The following TENM1 variants were observed in gnomAD, a reference collection of about 807,000 sequenced individuals.
The protein encoded by TENM1 is teneurin transmembrane protein 1, also known as teneurin-1.
TENM1 carries 35 observed loss-of-function variants against 174.8 expected under a neutral mutation model. That is an observed-to-expected ratio of 0.20 (90% CI 0.15 to 0.27). The LOEUF is 0.27. TENM1 is among the 10% of genes least tolerant of loss of function. The probability of loss-of-function intolerance (pLI) is 1.00; values close to 1 mark genes in which losing one functional copy is unlikely to be tolerated. For missense variants in TENM1, 1,633 were observed against 2,130.1 expected (o/e 0.77, Z 4.59); for synonymous variants, 781 against 798.7 (o/e 0.98, Z 0.37).
At chrX:124,908,731 T>C (rs2057788970) in intron 1 of TENM1, among the ~76,000 whole-genome samples, 1 of 111,818 alleles carries the variant, frequency 8.9e-6, no homozygotes, top group Non-Finnish European at 1.9e-5. Flanking sequence ...TTTTTTAATA[T>C]GTAAAACTGC....
chrX:125,055,492 G>GAAA, the TENM1 span, among the ~76,000 whole-genome samples: 11 of 111,798 alleles, frequency 9.8e-5, no homozygotes, highest in Admixed American at 8.6e-4. Context: ...CTGAAGGGCA[G>GAAA]ATGTCATCTA....
intron 3 of TENM1, among the ~76,000 whole-genome samples, chrX:124,757,267 G>C (rs1299302470): frequency 8.9e-6 from 1 of 112,413 alleles, no homozygotes; most frequent in Non-Finnish European, 1.9e-5. Context: ...AGCAATCAGC[G>C]AGACTCCGTG....
chrX:124,617,017 A>G (rs774383676), intron 11 of TENM1, among the ~76,000 whole-genome samples: 1 of 112,137 alleles, frequency 8.9e-6, no homozygotes, highest in Non-Finnish European at 1.9e-5. Flanking sequence ...TGAAGAATCC[A>G]CTGAGATTCC....
intron 22 of TENM1, among the ~76,000 whole-genome samples, chrX:124,459,034 G>A (rs901598352): frequency 8.9e-6 from 1 of 112,020 alleles, no homozygotes; most frequent in Non-Finnish European, 1.9e-5. Context: ...AACTGGTAGA[G>A]GGAGACAGAG....
intron 3 of TENM1, among the ~76,000 whole-genome samples, chrX:124,882,406 T>G (rs1441316581): frequency 1.8e-5 from 2 of 111,808 alleles, no homozygotes; most frequent in East Asian, 5.6e-4. Flanking sequence ...CCCATGTTTC[T>G]TTGTTAATTT....
intron 4 of TENM1, among the ~76,000 whole-genome samples, chrX:124,705,892 C>CTGTT (rs60240978): frequency 1.9e-3 from 214 of 110,601 alleles, no homozygotes; most frequent in African/African-American, 6.5e-3. Flanking sequence ...GTTTCTGTTT[C>CTGTT]TGTTTGTTTG....
the TENM1 span, among the ~76,000 whole-genome samples, chrX:125,032,836 G>C: frequency 9.0e-6 from 1 of 111,633 alleles, no homozygotes; most frequent in African/African-American, 3.3e-5. Context: ...CTAGTATTCT[G>C]TCCCAAGGAT....
intron 3 of TENM1, among the ~76,000 whole-genome samples, chrX:124,744,681 A>G (rs1231530841): frequency 8.9e-6 from 1 of 112,218 alleles, no homozygotes; most frequent in Non-Finnish European, 1.9e-5. Context: ...TTATGTAGGT[A>G]TTTCAATTAT....
At chrX:124,510,988 A>G (rs930408372) in intron 18 of TENM1, among the ~76,000 whole-genome samples, 1 of 112,308 alleles carries the variant, frequency 8.9e-6, no homozygotes, top group African/African-American at 3.2e-5. Flanking sequence ...TGGGCACAAG[A>G]CCACTTGCTT....
intron 3 of TENM1, among the ~76,000 whole-genome samples, chrX:124,848,917 T>A (rs150950574): frequency 0.021 from 2,336 of 111,205 alleles, 66 homozygotes; most frequent in African/African-American, 0.072. Flanking sequence ...GGGGAAGGGG[T>A]AAAGGTAAGG....
chrX:124,476,010 C>T (rs1007081592), intron 22 of TENM1, among the ~76,000 whole-genome samples: 5 of 111,581 alleles, frequency 4.5e-5, no homozygotes, highest in African/African-American at 1.6e-4. Flanking sequence ...ATGGCTTACC[C>T]GTAATTTTGT....
upstream of TENM1, among the ~76,000 whole-genome samples, chrX:124,964,015 G>A (rs979133474): frequency 2.7e-5 from 3 of 112,029 alleles, no homozygotes; most frequent in Non-Finnish European, 5.6e-5. Flanking sequence ...TAAGGATTAA[G>A]CTGGAGGTTG....
At chrX:125,007,326 G>GA in the TENM1 span, among the ~76,000 whole-genome samples, 1 of 102,410 alleles carries the variant, frequency 9.8e-6, no homozygotes, top group Non-Finnish European at 2.0e-5. Flanking sequence ...CAACATTAGA[G>GA]AAAAAAGAAT....
At chrX:124,459,436 A>T (rs991423969) in intron 22 of TENM1, among the ~76,000 whole-genome samples, 1 of 111,030 alleles carries the variant, frequency 9.0e-6, no homozygotes, top group Non-Finnish European at 1.9e-5. Flanking sequence ...GCAGAGAGGT[A>T]GAGTGACTAA....
At chrX:124,663,053 T>C (rs778341103) in intron 6 of TENM1, among the ~76,000 whole-genome samples, 11 of 112,170 alleles carry the variant, frequency 9.8e-5, no homozygotes, top group Non-Finnish European at 1.7e-4. Context: ...CCCTTGCTAT[T>C]AGTTTAATGG....
At chrX:124,913,203 T>C (rs1012549350) in intron 1 of TENM1, among the ~76,000 whole-genome samples, 27 of 111,106 alleles carry the variant, frequency 2.4e-4, no homozygotes, top group African/African-American at 8.5e-4. Context: ...ATTCCATAAA[T>C]AAATATTTTA....
intron 1 of TENM1, among the ~76,000 whole-genome samples, chrX:124,922,625 A>C (rs1388575786): frequency 9.0e-6 from 1 of 111,120 alleles, no homozygotes; most frequent in Admixed American, 9.6e-5. Flanking sequence ...AGAAATAATA[A>C]ATTTTAATTT....
chrX:124,434,701 T>C (rs991575604), intron 23 of TENM1, among the ~76,000 whole-genome samples: 1 of 112,633 alleles, frequency 8.9e-6, no homozygotes, highest in Non-Finnish European at 1.9e-5. Flanking sequence ...CAGCAGGAGA[T>C]GAAGGCCCAG....
intron 3 of TENM1, among the ~76,000 whole-genome samples, chrX:124,799,259 A>C (rs959936230): frequency 3.6e-5 from 4 of 111,319 alleles, no homozygotes; most frequent in Non-Finnish European, 7.5e-5. Flanking sequence ...TGGGAATAGC[A>C]CTGAATCTCT....
Sources: gnomAD v4.1 joint callset for allele counts (sites outside exome capture counted in the v4.1 genomes callset) on GRCh38, gnomAD v4.1.1 for gene constraint, MANE v1.5 for transcripts, NCBI Gene and HGNC (gene_info 2026-07-23, HGNC 2026-07-21) for gene names.